Variants in PPP6R3 observed in about 807,000 individuals in gnomAD.
PPP6R3 encodes the protein serine/threonine-protein phosphatase 6 regulatory subunit 3.
Under a neutral mutation model 110.7 loss-of-function variants are expected in PPP6R3, and 38 were observed. The observed-to-expected ratio is 0.34, with a 90% CI of 0.26 to 0.45. PPP6R3 has a LOEUF of 0.45. Among genes scored for constraint, PPP6R3 ranks in the 20% least tolerant of loss-of-function variants. The probability of loss-of-function intolerance (pLI) is 1.00; values close to 1 mark genes in which losing one functional copy is unlikely to be tolerated. For missense variants in PPP6R3, 870 were observed against 1,062.4 expected (o/e 0.82, Z 2.52); for synonymous variants, 369 against 373.5 (o/e 0.99, Z 0.14).
In PPP6R3 at chr11:68,462,577, C is replaced by T. The variant is rs182831794; in HGVS notation, c.-158+1750C>T. Among the ~76,000 whole-genome samples, 68 of 152,188 alleles carry T rather than the reference C, an allele frequency of 4.5e-4. No individual in the cohort carries two copies. The South Asian group carries it at 4.6e-3, about 10-fold the overall frequency. On this transcript the variant is annotated intron_variant, in intron 1 of 23. Coordinates refer to ENST00000393800, the MANE Select transcript of PPP6R3 (RefSeq NM_001164161.2). ...TTGTTACTGAAAACTGTAAGGGTGC[C>T]GTGGATTGCAGTATTCTTCAGCAAA...
rs962798075 is a variant in PPP6R3, at chr11:68,613,676, A to G, written c.*559A>G. 9.1e-6 allele frequency: 9 copies of G among 984,626 alleles called. No homozygotes were observed. The highest frequency in any genetic ancestry group is 1.1e-5 in the Non-Finnish European group (9 of 828,916). The allele number at this position is 984,626 out of a possible 1,614,324, so 61.0% of individuals were successfully genotyped here. The stretch of plus-strand genomic sequence containing the variant: ...AAGAAATATTTGGTGTTCTTTTTAT[A>G]ACCAGTTTTTGATTGGTAATTGTTT... On this transcript the variant is annotated 3_prime_UTR_variant, in exon 24 of 24. Coordinates refer to ENST00000393800, the MANE Select transcript of PPP6R3 (RefSeq NM_001164161.2).
intron 1 of PPP6R3, among the ~76,000 whole-genome samples, chr11:68,479,683 CTA>C (rs1289969048): frequency 6.6e-6 from 1 of 152,044 alleles, no homozygotes; most frequent in African/African-American, 2.4e-5. Context: ...TTCAATTTCA[CTA>C]AGAATTATTT....
At chr11:68,566,613 G>C (rs2099472258) in intron 9 of PPP6R3, among the ~76,000 whole-genome samples, 1 of 151,940 alleles carries the variant, frequency 6.6e-6, no homozygotes, top group African/African-American at 2.4e-5. Context: ...CACCCACCTC[G>C]GCCTCTCAAA....
At chr11:68,604,733 A>C (rs1938509635) in intron 22 of PPP6R3, among the ~76,000 whole-genome samples, 1 of 152,242 alleles carries the variant, frequency 6.6e-6, no homozygotes. Context: ...GCCTGTTTTT[A>C]ATAAAAATGT....
At chr11:68,475,885 T>C (rs1470949679) in intron 1 of PPP6R3, among the ~76,000 whole-genome samples, 1 of 144,132 alleles carries the variant, frequency 6.9e-6, no homozygotes, top group Non-Finnish European at 1.5e-5. Flanking sequence ...GCAGAGGCGC[T>C]CTCCACATCT....
intron 1 of PPP6R3, among the ~76,000 whole-genome samples, chr11:68,465,893 A>T (rs2098741931): frequency 6.6e-6 from 1 of 152,266 alleles, no homozygotes; most frequent in African/African-American, 2.4e-5. Flanking sequence ...CTCATTTATA[A>T]GAAATGATTA....
chr11:68,568,011 G>A (rs2099485727), intron 10 of PPP6R3, among the ~76,000 whole-genome samples: 1 of 151,970 alleles, frequency 6.6e-6, no homozygotes. Flanking sequence ...GCTAGTGAGC[G>A]GTGAAGCCAA....
chr11:68,478,208 A>C (rs1829087092), intron 1 of PPP6R3, among the ~76,000 whole-genome samples: 1 of 151,190 alleles, frequency 6.6e-6, no homozygotes, highest in African/African-American at 2.4e-5. Context: ...TCAGCCTTCC[A>C]AAGTTCTGGG....
chr11:68,504,959 G>A (rs1370669719), intron 1 of PPP6R3, among the ~76,000 whole-genome samples: 1 of 152,148 alleles, frequency 6.6e-6, no homozygotes, highest in African/African-American at 2.4e-5. Flanking sequence ...TGTCATTGGG[G>A]TCTGGTTTCA....
intron 4 of PPP6R3, among the ~76,000 whole-genome samples, chr11:68,545,818 C>G (rs558621970): frequency 6.6e-6 from 1 of 152,330 alleles, no homozygotes; most frequent in East Asian, 1.9e-4. Context: ...ATCTGCTTAT[C>G]TGGAGATTTT....
chr11:68,613,461 G>C lies in PPP6R3; in HGVS notation c.*344G>C. ...ATAGTTTTATAAAAGTGAATACACA[G>C]ATCTATTGTATTTGAAACATAACTT... On this transcript the variant is annotated 3_prime_UTR_variant, in exon 24 of 24. Transcript: ENST00000393800. 9.9e-7 allele frequency: 1 copy of C among 1,011,976 alleles called. No individual in the cohort carries two copies. The highest frequency in any genetic ancestry group is 5.9e-5 in the Admixed American group (1 of 17,070). 62.7% of individuals were successfully genotyped at this position (1,011,976 alleles called of 1,614,324 possible).
intron 19 of PPP6R3, among the ~76,000 whole-genome samples, chr11:68,599,959 A>G (rs1441494969): frequency 6.6e-6 from 1 of 152,172 alleles, no homozygotes; most frequent in Non-Finnish European, 1.5e-5. Context: ...TGTCTCTACT[A>G]AAAATACAAA....
intron 1 of PPP6R3, among the ~76,000 whole-genome samples, chr11:68,477,739 AAAATATATATATAT>A (rs1279097836): frequency 1.2e-4 from 10 of 80,400 alleles, no homozygotes; most frequent in Middle Eastern, 8.1e-3. Context: ...AAAAAAAAAA[AAAATATATATATAT>A]ATATATATAT....
At chr11:68,479,250 A>G (rs2098878342) in intron 1 of PPP6R3, among the ~76,000 whole-genome samples, 1 of 152,146 alleles carries the variant, frequency 6.6e-6, no homozygotes, top group Non-Finnish European at 1.5e-5. Context: ...AATACCTGTA[A>G]CCGCTATTAA....
chr11:68,497,895 G>T (rs115202463), intron 1 of PPP6R3, among the ~76,000 whole-genome samples: 1 of 151,980 alleles, frequency 6.6e-6, no homozygotes, highest in East Asian at 1.9e-4. Context: ...CATTTTTAAT[G>T]ACTATTTCAC....
intron 20 of PPP6R3, 128 bp from the exon 21 acceptor site, chr11:68,601,735 C>G (rs1307600424): frequency 1.5e-6 from 1 of 681,320 alleles, no homozygotes; most frequent in Non-Finnish European, 2.5e-6. Context: ...GAGTTTGTAA[C>G]CCAGTGACTC....
intron 1 of PPP6R3, among the ~76,000 whole-genome samples, chr11:68,507,641 G>T: frequency 6.6e-6 from 1 of 152,098 alleles, no homozygotes; most frequent in South Asian, 2.1e-4. Flanking sequence ...ACGTGTGAGG[G>T]TACTTGCAGC....
chr11:68,493,635 A>G (rs1372187500), intron 1 of PPP6R3, among the ~76,000 whole-genome samples: 5 of 142,908 alleles, frequency 3.5e-5, no homozygotes, highest in Non-Finnish European at 7.5e-5. Context: ...ATATATATAT[A>G]TAAAATATAT....
intron 18 of PPP6R3, among the ~76,000 whole-genome samples, chr11:68,594,320 A>AGAGAGTG (rs2099605742): frequency 3.6e-5 from 4 of 110,094 alleles, no homozygotes; most frequent in African/African-American, 1.4e-4. Context: ...GAGAGAGAGA[A>AGAGAGTG]AAAGAGAGAG....
Sources: gnomAD v4.1 joint callset for allele counts (sites outside exome capture counted in the v4.1 genomes callset) on GRCh38, gnomAD v4.1.1 for gene constraint, MANE v1.5 for transcripts, NCBI Gene and HGNC (gene_info 2026-07-23, HGNC 2026-07-21) for gene names.